GPC5: variants seen among roughly 807,000 people sequenced by gnomAD.
The protein encoded by GPC5 is glypican 5.
In GPC5, 47 loss-of-function variants were observed where a neutral mutation model predicts 53.9. The observed-to-expected ratio is 0.87, with a 90% CI of 0.69 to 1.11. The LOEUF is 1.11. GPC5 is among the 50% of genes most tolerant of loss of function. The probability of loss-of-function intolerance (pLI) is 0.00; values close to 1 mark genes in which losing one functional copy is unlikely to be tolerated. For synonymous variants in GPC5, 286 were observed against 263.3 expected, an observed-to-expected ratio of 1.09 and a Z score of -0.84; for missense variants, 748 against 713.1, an observed-to-expected ratio of 1.05 and a Z score of -0.56.
At chr13:92,140,959 A>G (rs538074191) in intron 6 of GPC5, among the ~76,000 whole-genome samples, 2 of 152,232 alleles carry the variant, frequency 1.3e-5, no homozygotes, top group Non-Finnish European at 2.9e-5. Flanking sequence ...ATGAATTCCA[A>G]GAAAGAGACT....
intron 7 of GPC5, among the ~76,000 whole-genome samples, chr13:92,403,069 A>C (rs1289321809): frequency 3.3e-5 from 5 of 152,090 alleles, no homozygotes. Flanking sequence ...TACAACTCAA[A>C]TTTTCTATTT....
At chr13:92,006,947 A>G (rs191343534) in intron 6 of GPC5, among the ~76,000 whole-genome samples, 2 of 141,156 alleles carry the variant, frequency 1.4e-5, no homozygotes, top group East Asian at 3.9e-4. Flanking sequence ...TGTGGATGTT[A>G]TGAATTCTGC....
Position 91,725,819 on chromosome 13 carries a change from C to T in GPC5, c.1021-2713C>T, listed in dbSNP as rs180715898. Among the ~76,000 whole-genome samples the T allele has an allele frequency of 4.7e-4, 71 of 152,232 alleles. 1 individual carries two copies. The highest frequency in any genetic ancestry group is 6.8e-3 in the Middle Eastern group (2 of 294). On this transcript the variant is annotated intron_variant, in intron 3 of 7. Transcript: ENST00000377067. ...TTCTCTGAACTCATAACTTCAAAGT[C>T]GTTTTATTTTCTTGAGTTTCAAAGA...
intron 5 of GPC5, among the ~76,000 whole-genome samples, chr13:91,900,823 A>G (rs1454077609): frequency 6.6e-6 from 1 of 152,086 alleles, no homozygotes; most frequent in Non-Finnish European, 1.5e-5. Flanking sequence ...TTACGTGTGC[A>G]GTCATTAGTT....
chr13:92,129,598 A>T (rs1397186121), intron 6 of GPC5, among the ~76,000 whole-genome samples: 1 of 152,220 alleles, frequency 6.6e-6, no homozygotes, highest in South Asian at 2.1e-4. Context: ...ATATAATAAA[A>T]GTAGACAAAC....
At chr13:92,776,260 C>T (rs1875800471) in intron 7 of GPC5, among the ~76,000 whole-genome samples, 5 of 152,076 alleles carry the variant, frequency 3.3e-5, no homozygotes, top group Admixed American at 3.3e-4. Context: ...CAGACTCTCT[C>T]TCTTCCTCCC....
Position 91,827,432 on chromosome 13 carries a change from G to T in GPC5, c.1280+71012G>T, listed in dbSNP as rs191074681. On this transcript the variant is annotated intron_variant, in intron 5 of 7. Coordinates refer to ENST00000377067, the MANE Select transcript of GPC5 (RefSeq NM_004466.6). Reference sequence around the variant, plus strand: ...TGCATAAAATCTATATTGGGTAAAGGCTGGCCTAGAATATATAAAGAGCTC... The same window carrying T: ...TGCATAAAATCTATATTGGGTAAAGTCTGGCCTAGAATATATAAAGAGCTC... Among the ~76,000 whole-genome samples, 720 of 151,918 alleles carry T rather than the reference G, an allele frequency of 4.7e-3. 3 individuals carry two copies. The highest frequency in any genetic ancestry group is 0.016 in the African/African-American group (677 of 41,502).
chr13:92,164,272 G>C (rs753383421), intron 7 of GPC5, among the ~76,000 whole-genome samples: 2 of 152,022 alleles, frequency 1.3e-5, no homozygotes, highest in East Asian at 3.9e-4. Flanking sequence ...CAAGTCCAAG[G>C]TTTCATATAA....
chr13:91,612,223 T>C (rs138526757), intron 2 of GPC5, among the ~76,000 whole-genome samples: 1 of 152,204 alleles, frequency 6.6e-6, no homozygotes, highest in Non-Finnish European at 1.5e-5. Flanking sequence ...CCCAGGTGAC[T>C]GTGATAATAT....
chr13:92,581,880 T>C (rs1049939961), intron 7 of GPC5, among the ~76,000 whole-genome samples: 3 of 152,148 alleles, frequency 2.0e-5, no homozygotes, highest in Non-Finnish European at 4.4e-5. Context: ...CGTCTATTCA[T>C]ATCTTTTGCC....
At chr13:92,297,784 G>A (rs912718809) in intron 7 of GPC5, among the ~76,000 whole-genome samples, 5 of 151,954 alleles carry the variant, frequency 3.3e-5, no homozygotes, top group East Asian at 3.9e-4. Flanking sequence ...TTGGCAACCC[G>A]CTCGGGTCCC....
At chr13:92,798,412 C>A (rs748401135) in intron 7 of GPC5, among the ~76,000 whole-genome samples, 10 of 151,822 alleles carry the variant, frequency 6.6e-5, no homozygotes, top group Middle Eastern at 3.4e-3. Flanking sequence ...AAGTTTGAAC[C>A]AGCTATTGAA....
intron 2 of GPC5, among the ~76,000 whole-genome samples, chr13:91,606,415 T>G (rs1455940303): frequency 1.3e-5 from 2 of 151,448 alleles, no homozygotes; most frequent in African/African-American, 2.4e-5. Flanking sequence ...TCTAAAATTC[T>G]CTTTTATTGT....
At chr13:91,561,097 C>T (rs182502332) in intron 2 of GPC5, among the ~76,000 whole-genome samples, 44 of 152,224 alleles carry the variant, frequency 2.9e-4, no homozygotes, top group Non-Finnish European at 3.7e-4. Flanking sequence ...CTCCAAATTC[C>T]GAGCTATCAG....
At chr13:92,365,708 G>T in intron 7 of GPC5, among the ~76,000 whole-genome samples, 1 of 145,032 alleles carries the variant, frequency 6.9e-6, no homozygotes, top group African/African-American at 2.6e-5. Context: ...AATCTAAGAC[G>T]AACACATTAG....
At chr13:92,127,518 T>A (rs1566447146) in intron 6 of GPC5, among the ~76,000 whole-genome samples, 1 of 151,908 alleles carries the variant, frequency 6.6e-6, no homozygotes, top group South Asian at 2.1e-4. Flanking sequence ...GTTCAAGGAG[T>A]AGAAACATAC....
intron 2 of GPC5, among the ~76,000 whole-genome samples, chr13:91,514,557 G>A (rs1417151086): frequency 6.6e-6 from 1 of 151,818 alleles, no homozygotes; most frequent in East Asian, 1.9e-4. Flanking sequence ...TTGATATGTG[G>A]TTTCTAAAAA....
chr13:92,368,130 G>A (rs751318232), intron 7 of GPC5, among the ~76,000 whole-genome samples: 50 of 151,876 alleles, frequency 3.3e-4, no homozygotes, highest in Non-Finnish European at 5.6e-4. Flanking sequence ...GATTACAAGT[G>A]CCCTCAGCCA....
At chr13:92,212,330 G>T (rs2042381225) in intron 7 of GPC5, among the ~76,000 whole-genome samples, 1 of 152,150 alleles carries the variant, frequency 6.6e-6, no homozygotes, top group Non-Finnish European at 1.5e-5. Context: ...ACTGAGGACT[G>T]TCTAGAGCTC....
Sources: gnomAD v4.1 joint callset for allele counts (sites outside exome capture counted in the v4.1 genomes callset) on GRCh38, gnomAD v4.1.1 for gene constraint, MANE v1.5 for transcripts, NCBI Gene and HGNC (gene_info 2026-07-23, HGNC 2026-07-21) for gene names.